ADCY5: variants seen among roughly 807,000 people sequenced by gnomAD.
The protein encoded by ADCY5 is adenylate cyclase 5.
In ADCY5, 30 loss-of-function variants were observed where a neutral mutation model predicts 119.7. The ratio of observed to expected loss-of-function variants is 0.25; its 90% confidence interval spans 0.19 to 0.34. The LOEUF (loss-of-function observed/expected upper bound fraction) is 0.34. Among genes scored for constraint, ADCY5 ranks in the 10% least tolerant of loss-of-function variants. The pLI, the probability that ADCY5 is intolerant of heterozygous loss-of-function variation, is 1.00. For synonymous variants in ADCY5, 753 were observed against 762.2 expected, an observed-to-expected ratio of 0.99 and a Z score of 0.20; for missense variants, 1,324 against 1,775.2, an observed-to-expected ratio of 0.75 and a Z score of 4.57.
Position 123,318,100 on chromosome 3 carries a change from G to A in ADCY5, c.2274C>T (p.Asp758=), listed in dbSNP as rs1168718408. ...ACGCCACATAGGCACCAAATCGGTC[G>A]TCTACCTGCTTGGAGTACTGAGAGG... ...DLEKKYSKQV[D]DRFGAYVACA... Residue 758 remains aspartate (D), a synonymous_variant, in exon 11 of 21, where the codon GAC becomes GAT. Transcript: ENST00000462833. 9.3e-6 allele frequency: 15 copies of A among 1,613,026 alleles called. No individual in the cohort carries two copies. Among genetic ancestry groups the A allele is most frequent in the Admixed American group, 3.3e-5 (2 of 59,980 alleles).
chr3:123,360,524 C>A (rs1028087844), intron 1 of ADCY5, among the ~76,000 whole-genome samples: 2 of 152,128 alleles, frequency 1.3e-5, no homozygotes, highest in African/African-American at 4.8e-5. Flanking sequence ...CTCTCCATTA[C>A]CAGTAAGATA....
intron 8 of ADCY5, among the ~76,000 whole-genome samples, chr3:123,325,006 T>A (rs1235965895): frequency 6.6e-6 from 1 of 152,188 alleles, no homozygotes; most frequent in Non-Finnish European, 1.5e-5. Flanking sequence ...AGCTGGAGGC[T>A]GTGGCTGGCC....
intron 19 of ADCY5, 49 bp downstream of exon 19, chr3:123,289,701 C>G: frequency 6.2e-7 from 1 of 1,600,480 alleles, no homozygotes; most frequent in South Asian, 1.1e-5. Context: ...CCTGCCAGCC[C>G]TCTGCCTGAC....
intron 3 of ADCY5, among the ~76,000 whole-genome samples, chr3:123,333,374 A>G (rs1452356040): frequency 6.6e-6 from 1 of 152,250 alleles, no homozygotes; most frequent in African/African-American, 2.4e-5. Context: ...CAGCCTGAAC[A>G]GACCAAGACA....
intron 1 of ADCY5, among the ~76,000 whole-genome samples, chr3:123,355,081 A>G (rs1257581744): frequency 2.6e-5 from 4 of 152,242 alleles, no homozygotes; most frequent in Non-Finnish European, 4.4e-5. Flanking sequence ...CTCCTATTCA[A>G]CATCACACTG....
intron 1 of ADCY5, among the ~76,000 whole-genome samples, chr3:123,435,068 G>T (rs9631460): frequency 1 from 151,996 of 152,298 alleles, 75,850 homozygotes; most frequent in Middle Eastern, 1. Context: ...GCAGACTGAT[G>T]GAGGCCAGGA....
At chr3:123,429,863 G>A (rs898574508) in intron 1 of ADCY5, among the ~76,000 whole-genome samples, 2 of 152,220 alleles carry the variant, frequency 1.3e-5, no homozygotes, top group African/African-American at 4.8e-5. Context: ...CCATACCCAC[G>A]TCCAACCCCA....
At chr3:123,331,881 G>A (rs983639654) in intron 4 of ADCY5, among the ~76,000 whole-genome samples, 17 of 152,164 alleles carry the variant, frequency 1.1e-4, no homozygotes, top group African/African-American at 2.4e-4. Flanking sequence ...TGGCACTGAC[G>A]GCACCAGCCT....
intron 1 of ADCY5, among the ~76,000 whole-genome samples, chr3:123,386,643 C>T (rs936861670): frequency 6.6e-6 from 1 of 152,150 alleles, no homozygotes; most frequent in African/African-American, 2.4e-5. Flanking sequence ...CTACCTGAGC[C>T]ATGGGCCCAA....
At position 123,319,953 on chromosome 3, in the gene ADCY5, G is replaced by A. The variant is rs1576567961; in HGVS notation, c.2112-135C>T. 6 of 1,265,744 alleles carry A rather than the reference G, an allele frequency of 4.7e-6. No individual in the cohort carries two copies. In the South Asian group the frequency reaches 7.5e-5, roughly 16 times the overall value. 78.4% of individuals were successfully genotyped at this position (1,265,744 alleles called of 1,614,324 possible). A position where few individuals can be genotyped will look rare whatever the true frequency, so the allele number is the denominator to read the frequency against. On this transcript the variant is annotated intron_variant, in intron 9 of 20. Transcript: ENST00000462833. Reference sequence around the variant, plus strand: ...CACCATCAGCCCAATCAGGGCAGCGGGAGCTGAGACTGAGACCAGAAGCCT... The same window carrying A: ...CACCATCAGCCCAATCAGGGCAGCGAGAGCTGAGACTGAGACCAGAAGCCT...
At chr3:123,323,608 C>T (rs1365408462) in intron 8 of ADCY5, among the ~76,000 whole-genome samples, 2 of 151,970 alleles carry the variant, frequency 1.3e-5, no homozygotes, top group Non-Finnish European at 2.9e-5. Flanking sequence ...GGCTCTCCTG[C>T]CCCTTTGCTG....
intron 1 of ADCY5, chr3:123,419,168 C>T (rs1945249623): frequency 1.0e-6 from 1 of 985,276 alleles, no homozygotes; most frequent in African/African-American, 1.7e-5. Flanking sequence ...GAGAGCACCG[C>T]ATCCCCTCCC....
intron 16 of ADCY5, 41 bp downstream of exon 16, chr3:123,297,312 T>C (rs1939578031): frequency 1.2e-6 from 2 of 1,608,534 alleles, no homozygotes; most frequent in Non-Finnish European, 1.7e-6. Flanking sequence ...TGCTCTGTGC[T>C]GAGGGCAGGG....
intron 1 of ADCY5, among the ~76,000 whole-genome samples, chr3:123,424,263 G>A (rs900927766): frequency 1.3e-5 from 2 of 152,220 alleles, no homozygotes; most frequent in Non-Finnish European, 2.9e-5. Context: ...GATACCCTTT[G>A]CTCTCAGATG....
In ADCY5 at chr3:123,291,152, G is replaced by A. The variant is rs1553717582; in HGVS notation, c.3288C>T (p.Cys1096=). The A allele has an allele frequency of 1.2e-6, 2 of 1,614,048 alleles. No individual in the cohort carries two copies. Among genetic ancestry groups the A allele is most frequent in the Non-Finnish European group, 1.7e-6 (2 of 1,180,026 alleles). Residue 1096 remains cysteine, a synonymous_variant, in exon 18 of 21, where the codon TGC becomes TGT. Coordinates refer to ENST00000462833, the MANE Select transcript of ADCY5 (RefSeq NM_183357.3). ...ELEANNEGVE[C]LRLLNEIIAD... Reference sequence around the variant, plus strand: ...CGATGATCTCATTGAGTAGCCGCAGGCACTCGACACCCTCGTTGTTGGCCT... The same window carrying A: ...CGATGATCTCATTGAGTAGCCGCAGACACTCGACACCCTCGTTGTTGGCCT...
At chr3:123,330,818 CA>C in intron 5 of ADCY5, 70 bp downstream of exon 5, 1 of 1,494,808 alleles carries the variant, frequency 6.7e-7, no homozygotes, top group Non-Finnish European at 8.9e-7. Context: ...AGGCAGCCGG[CA>C]GGTCAGTCAG....
intron 1 of ADCY5, among the ~76,000 whole-genome samples, chr3:123,371,583 G>T (rs529885805): frequency 6.6e-6 from 1 of 152,356 alleles, no homozygotes; most frequent in Non-Finnish European, 1.5e-5. Context: ...GCCGGGTTCT[G>T]GTCCTGAGCC....
At chr3:123,337,671 T>C (rs1245960623) in intron 3 of ADCY5, among the ~76,000 whole-genome samples, 1 of 152,224 alleles carries the variant, frequency 6.6e-6, no homozygotes, top group Non-Finnish European at 1.5e-5. Context: ...AAGTTCACCA[T>C]TCCTATTGGA....
chr3:123,370,057 G>A (rs116573164), intron 1 of ADCY5, among the ~76,000 whole-genome samples: 13 of 152,252 alleles, frequency 8.5e-5, no homozygotes, highest in Admixed American at 8.5e-4. Flanking sequence ...AGGGCCAATG[G>A]AGGCATGACC....
Sources: gnomAD v4.1 joint callset for allele counts (sites outside exome capture counted in the v4.1 genomes callset) on GRCh38, gnomAD v4.1.1 for gene constraint, MANE v1.5 for transcripts, NCBI Gene and HGNC (gene_info 2026-07-23, HGNC 2026-07-21) for gene names.